OSBP2: variants seen among roughly 807,000 people sequenced by gnomAD.
OSBP2 encodes oxysterol binding protein 2.
In OSBP2, 66 loss-of-function variants were observed where a neutral mutation model predicts 96.0. The ratio of observed to expected loss-of-function variants is 0.69; its 90% CI spans 0.56 to 0.84. The LOEUF (loss-of-function observed/expected upper bound fraction) is 0.84, where lower values mean the gene tolerates loss of function less well. OSBP2 is among the 40% of genes least tolerant of loss of function. The pLI is 0.00. For missense variants in OSBP2, 1,038 were observed against 1,222.7 expected (o/e 0.85, Z 2.25); for synonymous variants, 525 against 520.9 (o/e 1.01, Z -0.11).
At chr22:30,809,327 T>C (rs917400488) in intron 2 of OSBP2, among the ~76,000 whole-genome samples, 4 of 152,196 alleles carry the variant, frequency 2.6e-5, no homozygotes, top group Middle Eastern at 3.2e-3. Flanking sequence ...TGGAGCCTTA[T>C]GAGTCAGTGT....
chr22:30,901,902 G>C (rs2040204967), intron 12 of OSBP2, among the ~76,000 whole-genome samples: 1 of 152,004 alleles, frequency 6.6e-6, no homozygotes, highest in Non-Finnish European at 1.5e-5. Context: ...TCATAACCCA[G>C]TAATTCTACT....
At chr22:30,725,824 C>G (rs554409078) in intron 1 of OSBP2, among the ~76,000 whole-genome samples, 2 of 149,544 alleles carry the variant, frequency 1.3e-5, no homozygotes, top group African/African-American at 4.9e-5. Flanking sequence ...GAGTCTCACT[C>G]TGTCACCCAG....
intron 2 of OSBP2, among the ~76,000 whole-genome samples, chr22:30,831,480 G>A (rs1402584254): frequency 6.6e-6 from 1 of 152,170 alleles, no homozygotes; most frequent in East Asian, 1.9e-4. Flanking sequence ...TTGGGACCCT[G>A]GCACCGATCC....
chr22:30,740,820 G>T (rs1390870255), intron 1 of OSBP2, among the ~76,000 whole-genome samples: 1 of 152,180 alleles, frequency 6.6e-6, no homozygotes, highest in Non-Finnish European at 1.5e-5. Flanking sequence ...GTTTAGCATA[G>T]AGTCCGAAGG....
At chr22:30,727,877 C>T (rs140924182) in intron 1 of OSBP2, among the ~76,000 whole-genome samples, 2,319 of 151,998 alleles carry the variant, frequency 0.015, 30 homozygotes, top group Middle Eastern at 0.045. Flanking sequence ...GAGGCTGAGG[C>T]GGGTGGATCA....
chr22:30,900,110 T>A (rs1479971571), intron 12 of OSBP2, among the ~76,000 whole-genome samples: 1 of 151,972 alleles, frequency 6.6e-6, no homozygotes, highest in East Asian at 1.9e-4. Context: ...AATACGACAT[T>A]AGGCGTGGCG....
chr22:30,740,148 G>A (rs1252347633), intron 1 of OSBP2, among the ~76,000 whole-genome samples: 3 of 151,720 alleles, frequency 2.0e-5, no homozygotes. Context: ...CCTGGCCAAG[G>A]GGAGCAGAGT....
chr22:30,833,544 AG>A (rs2038573798), intron 2 of OSBP2, among the ~76,000 whole-genome samples: 1 of 152,126 alleles, frequency 6.6e-6, no homozygotes, highest in South Asian at 2.1e-4. Context: ...TTGATTTTGT[AG>A]GTGTGGCAGC....
At chr22:30,887,016 G>T (rs1276295729) in intron 3 of OSBP2, among the ~76,000 whole-genome samples, 5 of 152,126 alleles carry the variant, frequency 3.3e-5, no homozygotes, top group Non-Finnish European at 7.3e-5. Flanking sequence ...CCATTTTTAT[G>T]GTTATTTCTT....
chr22:30,695,308 C>T lies in OSBP2; in HGVS notation c.399C>T (p.Ser133=), dbSNP rs751790190. Residue 133 remains serine (S), a synonymous_variant, in exon 1 of 14, where the codon AGC becomes AGT. Transcript: ENST00000332585. ...AGCCGCTCTCCCGGGCGGTGGGGAG[C>T]GCGACCTTTCTCAGACCCGAGTCAG... The part of the protein sequence containing the change: ...ASEPLSRAVG[S]ATFLRPESGS... The T allele has an allele frequency of 1.9e-6, 3 of 1,613,428 alleles. No individual in the cohort carries two copies. The highest frequency in any genetic ancestry group is 2.2e-5 in the East Asian group (1 of 44,872).
chr22:30,894,399 A>T (rs936334238), intron 12 of OSBP2: 6 of 188,290 alleles, frequency 3.2e-5, no homozygotes, highest in Non-Finnish European at 6.7e-5. Flanking sequence ...TTTAGTAGCT[A>T]GAATCTATCA....
intron 3 of OSBP2, among the ~76,000 whole-genome samples, chr22:30,885,926 CA>C (rs1045761145): frequency 1.3e-5 from 2 of 152,216 alleles, no homozygotes; most frequent in East Asian, 3.9e-4. Flanking sequence ...CTGAGAAGGC[CA>C]GGGTTCCCAC....
At chr22:30,845,810 G>A (rs1243342464) in intron 2 of OSBP2, among the ~76,000 whole-genome samples, 5 of 151,044 alleles carry the variant, frequency 3.3e-5, no homozygotes, top group African/African-American at 4.9e-5. Flanking sequence ...TGACCCAGGA[G>A]GTGGAGGTTG....
At chr22:30,729,529 T>C (rs931821853) in intron 1 of OSBP2, among the ~76,000 whole-genome samples, 1 of 151,886 alleles carries the variant, frequency 6.6e-6, no homozygotes, top group African/African-American at 2.4e-5. Context: ...TCCCAGTTAC[T>C]TGGGAGGCTG....
chr22:30,696,492 G>T (rs538944263), intron 1 of OSBP2, among the ~76,000 whole-genome samples: 1 of 152,154 alleles, frequency 6.6e-6, no homozygotes, highest in Non-Finnish European at 1.5e-5. Context: ...TAACTTCCCA[G>T]GCGTGGCTGG....
At chr22:30,714,501 A>C (rs535384320) in intron 1 of OSBP2, among the ~76,000 whole-genome samples, 4 of 152,148 alleles carry the variant, frequency 2.6e-5, no homozygotes, top group African/African-American at 9.6e-5. Flanking sequence ...GGTGTATTTC[A>C]CGTTGCTGTG....
intron 2 of OSBP2, among the ~76,000 whole-genome samples, chr22:30,759,105 TG>T (rs1303353281): frequency 1.3e-5 from 2 of 152,108 alleles, no homozygotes; most frequent in African/African-American, 4.8e-5. Flanking sequence ...CCTGGCACTT[TG>T]GGAAGCCGAG....
chr22:30,791,826 G>A (rs1193033995), intron 2 of OSBP2, among the ~76,000 whole-genome samples: 1 of 152,134 alleles, frequency 6.6e-6, no homozygotes, highest in East Asian at 1.9e-4. Context: ...CAGGCCAGTG[G>A]GGATTTCAGG....
intron 1 of OSBP2, among the ~76,000 whole-genome samples, chr22:30,737,858 A>G (rs1308395168): frequency 6.6e-6 from 1 of 151,978 alleles, no homozygotes; most frequent in Non-Finnish European, 1.5e-5. Context: ...GACTACAGGC[A>G]TGCAACCACC....
Sources: gnomAD v4.1 joint callset for allele counts (sites outside exome capture counted in the v4.1 genomes callset) on GRCh38, gnomAD v4.1.1 for gene constraint, MANE v1.5 for transcripts, NCBI Gene and HGNC (gene_info 2026-07-23, HGNC 2026-07-21) for gene names.